FARS2: variants seen among roughly 807,000 people sequenced by gnomAD.
FARS2 encodes phenylalanine--tRNA ligase, mitochondrial.
FARS2 carries 40 observed loss-of-function variants against 46.4 expected under a neutral mutation model. That is an observed-to-expected ratio of 0.86 (90% confidence interval 0.67 to 1.12). The LOEUF (loss-of-function observed/expected upper bound fraction) is 1.12. Among genes scored for constraint, FARS2 ranks in the 50% most tolerant of loss-of-function variants. FARS2 has a pLI of 0.00. For missense variants in FARS2, 513 were observed against 567.9 expected (o/e 0.90, Z 0.98); for synonymous variants, 234 against 214.9 (o/e 1.09, Z -0.78).
At chr6:5,346,873 C>T (rs1053954626) in intron 1 of FARS2, among the ~76,000 whole-genome samples, 2 of 150,638 alleles carry the variant, frequency 1.3e-5, no homozygotes, top group Non-Finnish European at 2.9e-5. Context: ...AATTTCCATA[C>T]AGTGAACTTC....
At chr6:5,595,507 C>T (rs976353995) in intron 5 of FARS2, among the ~76,000 whole-genome samples, 7 of 152,266 alleles carry the variant, frequency 4.6e-5, no homozygotes, top group South Asian at 4.2e-4. Context: ...CATTCAAGTC[C>T]GCAAATGTTG....
At chr6:5,625,272 T>C (rs973336776) in intron 6 of FARS2, among the ~76,000 whole-genome samples, 1 of 152,134 alleles carries the variant, frequency 6.6e-6, no homozygotes, top group African/African-American at 2.4e-5. Flanking sequence ...CACAGACAGG[T>C]CTGGCAGTCT....
intron 6 of FARS2, among the ~76,000 whole-genome samples, chr6:5,747,904 A>G (rs555674585): frequency 6.6e-6 from 1 of 152,318 alleles, no homozygotes; most frequent in East Asian, 1.9e-4. Flanking sequence ...AGATCAACTG[A>G]TCTTAAAAAT....
chr6:5,725,248 G>A (rs558072574), intron 6 of FARS2, among the ~76,000 whole-genome samples: 162 of 152,324 alleles, frequency 1.1e-3, no homozygotes, highest in Middle Eastern at 0.01. Flanking sequence ...TTGAACATGG[G>A]CGCTGGGGTG....
chr6:5,684,000 T>A (rs1479428581), intron 6 of FARS2, among the ~76,000 whole-genome samples: 2 of 152,220 alleles, frequency 1.3e-5, no homozygotes, highest in Non-Finnish European at 2.9e-5. Context: ...TGTGCCACAT[T>A]TTCTTTTTCC....
rs190789834 is a variant in FARS2 at position 5,574,565 on chromosome 6, C to G, written c.1065+29225C>G. On this transcript the variant is annotated intron_variant, in intron 5 of 6. Transcript: ENST00000274680. ...TACTTTGTGGCAATGAAAAAAATAC[C>G]CTTTACTCAGATTTTGTGTATCTGT... Among the ~76,000 whole-genome samples, 60 of 152,086 alleles carry G rather than the reference C, an allele frequency of 3.9e-4. 3 individuals are homozygous for G. In the East Asian group the frequency reaches 9.1e-3, roughly 23 times the overall value.
At chr6:5,666,647 CTGTGG>C (rs1297225321) in intron 6 of FARS2, among the ~76,000 whole-genome samples, 1 of 152,184 alleles carries the variant, frequency 6.6e-6, no homozygotes, top group Non-Finnish European at 1.5e-5. Context: ...AGGTCCACCA[CTGTGG>C]AAAACAGTGT....
rs77665069 is a variant in FARS2, at chr6:5,311,771, G to C, written c.-22+50111G>C. Among the ~76,000 whole-genome samples the C allele has an allele frequency of 3.1e-3, 473 of 152,228 alleles. 17 individuals are homozygous for C. The East Asian group carries it at 0.078, about 25-fold the overall frequency. ...AGTGAGAACGTAATGGTTTGTACTT[G>C]TTGGGAAGAAGCAGCTCATGTTTGG... On this transcript the variant is annotated intron_variant, in intron 1 of 6. Transcript: ENST00000274680. The surrounding 1 kb of genome is among the most constrained non-coding windows in gnomAD (Gnocchi z 4.1).
intron 6 of FARS2, among the ~76,000 whole-genome samples, chr6:5,743,652 T>C (rs561190844): frequency 5.3e-5 from 8 of 152,282 alleles, no homozygotes; most frequent in Admixed American, 4.6e-4. Context: ...ACCGAAGCTG[T>C]TTTCACGTTA....
intron 1 of FARS2, among the ~76,000 whole-genome samples, chr6:5,279,497 G>A (rs1766576645): frequency 6.6e-6 from 1 of 150,704 alleles, no homozygotes; most frequent in African/African-American, 2.4e-5. Context: ...GAGTTGCTGA[G>A]TGTATTCGTT....
intron 4 of FARS2, among the ~76,000 whole-genome samples, chr6:5,520,508 T>C (rs1201885313): frequency 6.6e-6 from 1 of 152,186 alleles, no homozygotes; most frequent in African/African-American, 2.4e-5. Context: ...TTGCACAAAA[T>C]ATAGAGAATA....
chr6:5,380,815 TA>T (rs1204996475), intron 2 of FARS2, among the ~76,000 whole-genome samples: 1 of 152,182 alleles, frequency 6.6e-6, no homozygotes, highest in East Asian at 1.9e-4. Context: ...TGCAAAATTG[TA>T]AACTTTTGTT....
In FARS2 at chr6:5,449,373, A is replaced by G. The variant is rs950220749; in HGVS notation, c.904+18201A>G. 2.6e-5 allele frequency among the ~76,000 whole-genome samples: 4 copies of G among 151,608 alleles called. No homozygotes were observed. In the South Asian group the frequency reaches 8.3e-4, roughly 31 times the overall value. On this transcript the variant is annotated intron_variant, in intron 4 of 6. Coordinates refer to ENST00000274680, the MANE Select transcript of FARS2 (RefSeq NM_006567.5). ...ATCTCAAAAAAAAAAAAAAGAAAAA[A>G]AAGAAAAAGAAAACTCATAGACTTA...
chr6:5,289,263 A>G lies in FARS2; in HGVS notation c.-22+27603A>G, dbSNP rs933124830. On this transcript the variant is annotated intron_variant, in intron 1 of 6. Transcript: ENST00000274680. ...TACCAGTGCTCCAAAGACTGGAAAT[A>G]ATAGAATTGCTTGTTTATTTGCCAA... Among the ~76,000 whole-genome samples, 7 of 152,356 alleles carry G rather than the reference A, an allele frequency of 4.6e-5. No individual in the cohort carries two copies. In the East Asian group the frequency reaches 1.3e-3, roughly 29 times the overall value.
chr6:5,546,540 G>A (rs1290073190), intron 5 of FARS2, among the ~76,000 whole-genome samples: 3 of 151,832 alleles, frequency 2.0e-5, no homozygotes, highest in South Asian at 2.1e-4. Context: ...GTGAGCCACT[G>A]CGCCCAGCCC....
chr6:5,445,995 C>CA (rs1764164249), intron 4 of FARS2, among the ~76,000 whole-genome samples: 1 of 152,114 alleles, frequency 6.6e-6, no homozygotes, highest in Admixed American at 6.5e-5. Flanking sequence ...GTCAGGAGAT[C>CA]AAGACCATCC....
At chr6:5,520,907 T>G (rs187656468) in intron 4 of FARS2, among the ~76,000 whole-genome samples, 1 of 152,298 alleles carries the variant, frequency 6.6e-6, no homozygotes, top group Admixed American at 6.5e-5. Context: ...GGATTTCAAT[T>G]GGTTGCTGAA....
intron 6 of FARS2, among the ~76,000 whole-genome samples, chr6:5,739,391 T>C (rs1162726333): frequency 6.6e-6 from 1 of 152,034 alleles, no homozygotes. Context: ...AGCATGGCCA[T>C]TTCCAATTTT....
intron 5 of FARS2, among the ~76,000 whole-genome samples, chr6:5,560,862 C>T (rs970180613): frequency 2.6e-4 from 39 of 152,286 alleles, no homozygotes; most frequent in African/African-American, 9.1e-4. Context: ...GGCGCTGTGG[C>T]TCACGCCTGT....
Sources: allele counts gnomAD v4.1 joint callset (sites outside exome capture counted in the v4.1 genomes callset), GRCh38; gene constraint gnomAD v4.1.1; non-coding constraint Gnocchi (gnomAD v3.1); transcripts MANE v1.5; gene names NCBI Gene and HGNC (gene_info 2026-07-23, HGNC 2026-07-21).